CDH26: variants seen among roughly 807,000 people sequenced by gnomAD.
CDH26 encodes cadherin-like protein 26.
CDH26 carries 83 observed loss-of-function variants against 90.3 expected under a neutral mutation model. The observed-to-expected ratio is 0.92, with a 90% CI of 0.77 to 1.10. CDH26 has a LOEUF of 1.10. Among genes scored for constraint, CDH26 ranks in the 50% least tolerant of loss-of-function variants. The pLI, the probability that CDH26 is intolerant of heterozygous loss-of-function variation, is 0.00. For synonymous variants in CDH26, 397 were observed against 396.3 expected, an observed-to-expected ratio of 1.00 and a Z score of -0.02; for missense variants, 1,013 against 1,037.6, an observed-to-expected ratio of 0.98 and a Z score of 0.33.
chr20:59,972,328 A>G (rs960409643), intron 4 of CDH26, among the ~76,000 whole-genome samples: 13 of 152,190 alleles, frequency 8.5e-5, no homozygotes, highest in African/African-American at 2.7e-4. Context: ...GATTTCTGCA[A>G]TCGATGTGAG....
At chr20:59,964,994 A>G (rs1418270147) in intron 1 of CDH26, among the ~76,000 whole-genome samples, 3 of 152,132 alleles carry the variant, frequency 2.0e-5, no homozygotes, top group Admixed American at 6.5e-5. Context: ...AAGAACTACA[A>G]TTTTCTCCAT....
intron 13 of CDH26, among the ~76,000 whole-genome samples, 181 bp downstream of exon 13, chr20:59,996,942 TTAGA>T (rs1374354683): frequency 6.6e-6 from 1 of 152,266 alleles, no homozygotes; most frequent in African/African-American, 2.4e-5. Flanking sequence ...ATTTATTCTT[TTAGA>T]TCAATGGTTC....
chr20:59,958,536 A>C lies in CDH26; in HGVS notation c.-191A>C, dbSNP rs575168784. On this transcript the variant is annotated 5_prime_UTR_variant, in exon 1 of 18. Transcript: ENST00000348616. ...TCAAGCTTACAAGTCAGCCCACCCC[A>C]CTCTGATAAATGCAAGAAAAGCTGA... 1.1e-5 allele frequency: 7 copies of C among 645,540 alleles called. No homozygotes were observed. The highest frequency in any genetic ancestry group is 2.6e-5 in the East Asian group (1 of 38,376). 40.0% of individuals were successfully genotyped at this position (645,540 alleles called of 1,614,324 possible). A position where few individuals can be genotyped will look rare whatever the true frequency, so the allele number is the denominator to read the frequency against.
At chr20:60,007,946 C>A (rs77342852) in intron 17 of CDH26, among the ~76,000 whole-genome samples, 2,942 of 152,266 alleles carry the variant, frequency 0.019, 89 homozygotes, top group African/African-American at 0.067. Flanking sequence ...ACAGCCACTG[C>A]GTACTCCTGG....
chr20:59,996,494 A>G, intron 12 of CDH26, 137 bp from the exon 13 acceptor site: 1 of 1,612,330 alleles, frequency 6.2e-7, no homozygotes, highest in East Asian at 2.2e-5. Context: ...TGAACTTTAT[A>G]GCTACACAGA....
At chr20:60,001,015 G>A (rs1183732092) in intron 14 of CDH26, among the ~76,000 whole-genome samples, 1 of 152,106 alleles carries the variant, frequency 6.6e-6, no homozygotes, top group African/African-American at 2.4e-5. Context: ...AATCTAAACA[G>A]TTTCACCTGT....
At chr20:60,025,524 G>C (rs570036297) in intron 7 of CDH26, among the ~76,000 whole-genome samples, 6 of 152,300 alleles carry the variant, frequency 3.9e-5, no homozygotes, top group Admixed American at 6.5e-5. Context: ...ACTGCCAGAA[G>C]TCCTCCAGGG....
chr20:59,988,563 A>C (rs2061486388), intron 8 of CDH26, among the ~76,000 whole-genome samples: 1 of 152,158 alleles, frequency 6.6e-6, no homozygotes, highest in Non-Finnish European at 1.5e-5. Flanking sequence ...ATGATCATTA[A>C]TATCTATATT....
chr20:60,007,100 G>A (rs1236535331), intron 17 of CDH26, among the ~76,000 whole-genome samples: 2 of 152,132 alleles, frequency 1.3e-5, no homozygotes, highest in African/African-American at 4.8e-5. Context: ...AAGCTCCCTG[G>A]TATCTCTTCT....
chr20:60,004,982 C>T (rs1042333653), intron 16 of CDH26, among the ~76,000 whole-genome samples: 11 of 151,358 alleles, frequency 7.3e-5, no homozygotes, highest in Admixed American at 2.0e-4. Flanking sequence ...TGTGGGTGCA[C>T]TTATATGTGG....
At chr20:60,024,718 G>A (rs2061982841) in intron 7 of CDH26, among the ~76,000 whole-genome samples, 1 of 152,152 alleles carries the variant, frequency 6.6e-6, no homozygotes, top group Admixed American at 6.5e-5. Context: ...CAAAGGAGTG[G>A]ACTGTAGCAG....
intron 1 of CDH26, among the ~76,000 whole-genome samples, chr20:59,964,787 TATC>T (rs1013599299): frequency 7.2e-5 from 11 of 152,184 alleles, no homozygotes; most frequent in East Asian, 1.9e-4. Context: ...GTTTATGTCT[TATC>T]ATAATAAAAT....
rs2061535789 is a variant in CDH26, at chr20:59,992,225, A to G, written c.1284-153A>G. 6.6e-6 allele frequency among the ~76,000 whole-genome samples: 1 copy of G among 152,118 alleles called. No homozygotes were observed. Among genetic ancestry groups the G allele is most frequent in the Non-Finnish European group, 1.5e-5 (1 of 68,028 alleles). On this transcript the variant is annotated intron_variant, in intron 9 of 17. Coordinates refer to ENST00000348616, the MANE Select transcript of CDH26 (RefSeq NM_177980.4). This position sits in a 1 kb window ranked among gnomAD's most constrained non-coding sequence, Gnocchi z 5.0. ...TGCTTCCATTCCTTTCGTGAATTAAACACTCTCGTAGTTTAATTGCTCTTA... is the reference window on the plus strand; with the variant it reads ...TGCTTCCATTCCTTTCGTGAATTAAGCACTCTCGTAGTTTAATTGCTCTTA...
rs534643801 is a variant in CDH26 at position 59,969,883 on chromosome 20, A to AC, written c.127-195dup. On this transcript the variant is annotated intron_variant, in intron 2 of 17. Coordinates refer to ENST00000348616, the MANE Select transcript of CDH26 (RefSeq NM_177980.4). ...CACGTCAAATCATCGGACAGCATCC[A>AC]CCCCGTGGTTAGAGATGACTCTACA... is the stretch of plus-strand genomic sequence containing the variant. Among the ~76,000 whole-genome samples the AC allele has an allele frequency of 3.5e-3, 535 of 152,304 alleles. 3 individuals carry two copies. The highest frequency in any genetic ancestry group is 0.012 in the African/African-American group (510 of 41,554).
downstream of CDH26, among the ~76,000 whole-genome samples, chr20:60,016,581 T>C (rs922458851): frequency 1.3e-5 from 2 of 150,974 alleles, no homozygotes; most frequent in Non-Finnish European, 2.9e-5. Flanking sequence ...GACTTCCTCC[T>C]TTCTAATTTG....
In CDH26 at chr20:59,992,826, A is replaced by G. The variant is rs1232336832; in HGVS notation, c.1426+306A>G. Among the ~76,000 whole-genome samples the G allele has an allele frequency of 1.3e-5, 2 of 152,146 alleles. No homozygotes were observed. The highest frequency in any genetic ancestry group is 6.5e-5 in the Admixed American group (1 of 15,278). ...ACTCTTTAGCTCTTTGTCAAAGCCA[A>G]TGATGTGTGATAAATATTTAGCACA... On this transcript the variant is annotated intron_variant, in intron 10 of 17. Coordinates refer to ENST00000348616, the MANE Select transcript of CDH26 (RefSeq NM_177980.4). This position sits in a 1 kb window ranked among gnomAD's most constrained non-coding sequence, Gnocchi z 5.0.
At chr20:59,970,036 G>T (rs781168284) in intron 2 of CDH26, 46 bp from the exon 3 acceptor site, 8 of 1,591,472 alleles carry the variant, frequency 5.0e-6, no homozygotes, top group Non-Finnish European at 6.8e-6. Flanking sequence ...CTGGCTGTGA[G>T]CATCACTGCC....
chr20:60,003,036 T>C (rs1601184354), intron 16 of CDH26, among the ~76,000 whole-genome samples, 170 bp downstream of exon 16: 1 of 152,240 alleles, frequency 6.6e-6, no homozygotes, highest in South Asian at 2.1e-4. Flanking sequence ...AGGTTGGAAG[T>C]AGTTAAGGCA....
At chr20:59,968,311 G>T (rs987818117) in intron 1 of CDH26, among the ~76,000 whole-genome samples, 1 of 151,824 alleles carries the variant, frequency 6.6e-6, no homozygotes, top group Admixed American at 6.6e-5. Flanking sequence ...TTGGTTAGTT[G>T]CTCTCGAACT....
Sources: gnomAD v4.1 joint callset for allele counts (sites outside exome capture counted in the v4.1 genomes callset) on GRCh38, gnomAD v4.1.1 for gene constraint, Gnocchi (gnomAD v3.1) non-coding constraint, MANE v1.5 for transcripts, NCBI Gene and HGNC (gene_info 2026-07-23, HGNC 2026-07-21) for gene names.